Variants in TAF1B observed in about 807,000 individuals in gnomAD.
TAF1B encodes TATA-box binding protein associated factor, RNA polymerase I subunit B.
In TAF1B, 61 loss-of-function variants were observed where a neutral mutation model predicts 83.9. That is an observed-to-expected ratio of 0.73 (90% CI 0.59 to 0.90). TAF1B has a LOEUF of 0.90. TAF1B is among the 40% of genes least tolerant of loss of function. TAF1B has a pLI of 0.00. For missense variants in TAF1B, 625 were observed against 677.0 expected (o/e 0.92, Z 0.85); for synonymous variants, 221 against 224.6 (o/e 0.98, Z 0.14).
chr2:9,891,965 T>G (rs1342785481), intron 8 of TAF1B, among the ~76,000 whole-genome samples: 1 of 152,220 alleles, frequency 6.6e-6, no homozygotes, highest in African/African-American at 2.4e-5. Context: ...TTATAAATTT[T>G]GTGTAGCCTA....
intron 12 of TAF1B, among the ~76,000 whole-genome samples, chr2:9,917,577 C>T (rs555145415): frequency 1.3e-5 from 2 of 152,248 alleles, no homozygotes; most frequent in South Asian, 4.1e-4. Context: ...TTCAGAATAA[C>T]CCTGTGAAAG....
chr2:9,926,360 C>CTT (rs1666038119), intron 14 of TAF1B, among the ~76,000 whole-genome samples: 1 of 152,134 alleles, frequency 6.6e-6, no homozygotes, highest in African/African-American at 2.4e-5. Context: ...TGTTTCAGTT[C>CTT]TTAAGGCCCC....
intron 6 of TAF1B, 156 bp downstream of exon 6, chr2:9,868,585 C>G: frequency 9.1e-7 from 1 of 1,101,786 alleles, no homozygotes. Flanking sequence ...ATGGCTAAGA[C>G]AAACTAAGTG....
In TAF1B at chr2:9,934,252, A is replaced by G. The variant is rs1188979462; in HGVS notation, c.*268A>G. The G allele has an allele frequency of 1.4e-5, 4 of 279,472 alleles. No homozygotes were observed. Among genetic ancestry groups the G allele is most frequent in the South Asian group, 7.7e-5 (1 of 12,998 alleles). 17.3% of individuals were successfully genotyped at this position (279,472 alleles called of 1,614,324 possible). A position where few individuals can be genotyped will look rare whatever the true frequency, so the allele number is the denominator to read the frequency against. ...TAATTGTATCCAGAAATGTATACTCATCGTATTTTAAAGCTAAATTTATTT... is the reference window on the plus strand; with the variant it reads ...TAATTGTATCCAGAAATGTATACTCGTCGTATTTTAAAGCTAAATTTATTT... On this transcript the variant is annotated 3_prime_UTR_variant, in exon 15 of 15. Transcript: ENST00000263663.
chr2:9,886,779 A>G (rs1664686498), intron 8 of TAF1B, among the ~76,000 whole-genome samples: 1 of 152,154 alleles, frequency 6.6e-6, no homozygotes, highest in Non-Finnish European at 1.5e-5. Context: ...TAAGATTTAC[A>G]TTGCCGGCCA....
intron 8 of TAF1B, among the ~76,000 whole-genome samples, chr2:9,895,577 T>C (rs1253709598): frequency 6.6e-6 from 1 of 152,232 alleles, no homozygotes; most frequent in Admixed American, 6.5e-5. Flanking sequence ...AGATTAAAAA[T>C]GCAAGGTGAA....
intron 5 of TAF1B, among the ~76,000 whole-genome samples, chr2:9,865,589 A>G (rs1278809312): frequency 1.4e-4 from 21 of 152,194 alleles, no homozygotes; most frequent in Admixed American, 1.3e-3. Flanking sequence ...GGAAAAAACT[A>G]AAGTTCACAT....
intron 5 of TAF1B, among the ~76,000 whole-genome samples, chr2:9,855,433 C>CT (rs1663532354): frequency 1.3e-5 from 2 of 152,168 alleles, no homozygotes; most frequent in South Asian, 2.1e-4. Flanking sequence ...AATCCCAACA[C>CT]TTTGAGAGGC....
At chr2:9,849,256 C>T in intron 2 of TAF1B, 117 bp from the exon 3 acceptor site, 1 of 648,570 alleles carries the variant, frequency 1.5e-6, no homozygotes, top group Non-Finnish European at 2.6e-6. Context: ...AAGATTTTAC[C>T]ATCCTTGGTC....
chr2:9,923,138 T>C lies in TAF1B; in HGVS notation c.1565+3318T>C, dbSNP rs190067872. Among the ~76,000 whole-genome samples, 592 of 150,240 alleles carry C rather than the reference T, an allele frequency of 3.9e-3. 3 individuals are homozygous for C. Among genetic ancestry groups the C allele is most frequent in the African/African-American group, 0.014 (550 of 40,612 alleles). On this transcript the variant is annotated intron_variant, in intron 14 of 14. Coordinates refer to ENST00000263663, the MANE Select transcript of TAF1B (RefSeq NM_005680.3). ...CACGTGTATAATCTACTCGGGAGGC[T>C]GAGGCATGAGAATCACTTGAACCCG...
intron 6 of TAF1B, among the ~76,000 whole-genome samples, chr2:9,872,633 A>C (rs1021217654): frequency 1.3e-5 from 2 of 152,208 alleles, no homozygotes; most frequent in African/African-American, 4.8e-5. Flanking sequence ...ATGTTTAAAA[A>C]ATTCTCTTTA....
chr2:9,888,817 T>TAAGACAAA (rs1664771272), intron 8 of TAF1B, among the ~76,000 whole-genome samples: 1 of 116,426 alleles, frequency 8.6e-6, no homozygotes, highest in Non-Finnish European at 2.0e-5. Flanking sequence ...TTTTTTTTTT[T>TAAGACAAA]TTTAAGACAA....
intron 14 of TAF1B, 105 bp from the exon 15 acceptor site, chr2:9,933,678 A>G (rs1055784756): frequency 5.3e-6 from 5 of 938,120 alleles, no homozygotes; most frequent in Non-Finnish European, 8.0e-6. Context: ...TTTTAAGCCT[A>G]ACCATATATA....
intron 5 of TAF1B, among the ~76,000 whole-genome samples, chr2:9,866,993 G>A (rs1199038126): frequency 6.6e-5 from 10 of 152,122 alleles, no homozygotes. Flanking sequence ...GCTAAATGAC[G>A]AGTTAATGGG....
intron 6 of TAF1B, among the ~76,000 whole-genome samples, chr2:9,871,389 CTCTT>C (rs1664164667): frequency 6.6e-6 from 1 of 152,098 alleles, no homozygotes; most frequent in Non-Finnish European, 1.5e-5. Flanking sequence ...GCCAGGATCT[CTCTT>C]TACCACCATC....
chr2:9,886,114 A>G (rs1264749418), intron 8 of TAF1B, among the ~76,000 whole-genome samples: 1 of 136,440 alleles, frequency 7.3e-6, no homozygotes, highest in Non-Finnish European at 1.7e-5. Context: ...AAATGCAGAC[A>G]TATTGACGTA....
At chr2:9,849,341 C>A in intron 2 of TAF1B, 32 bp from the exon 3 acceptor site, 1 of 1,525,250 alleles carries the variant, frequency 6.6e-7, no homozygotes. Context: ...GTAAAACGAT[C>A]TTTTTTAATG....
At chr2:9,863,312 A>T (rs1047806081) in intron 5 of TAF1B, among the ~76,000 whole-genome samples, 1 of 152,230 alleles carries the variant, frequency 6.6e-6, no homozygotes, top group Non-Finnish European at 1.5e-5. Context: ...CTCTGATAAA[A>T]CAGACTTTAA....
At chr2:9,853,969 C>T (rs1663480247) in intron 4 of TAF1B, among the ~76,000 whole-genome samples, 1 of 152,154 alleles carries the variant, frequency 6.6e-6, no homozygotes. Flanking sequence ...CAGCATTTCT[C>T]ATGTACCTGA....
Sources: allele counts gnomAD v4.1 joint callset (sites outside exome capture counted in the v4.1 genomes callset), GRCh38; gene constraint gnomAD v4.1.1; transcripts MANE v1.5; gene names NCBI Gene and HGNC (gene_info 2026-07-23, HGNC 2026-07-21).